The following PCCA variants were observed in gnomAD, a reference collection of about 807,000 sequenced individuals.
The protein encoded by PCCA is propionyl-CoA carboxylase alpha chain, mitochondrial.
In PCCA, 74 loss-of-function variants were observed where a neutral mutation model predicts 101.3. That is an observed-to-expected ratio of 0.73 (90% CI 0.61 to 0.89). The LOEUF (loss-of-function observed/expected upper bound fraction) is 0.89. Ranked by LOEUF, PCCA falls within the 40% of genes least tolerant of loss-of-function variation. PCCA has a pLI of 0.00. For missense variants in PCCA, 891 were observed against 907.0 expected (o/e 0.98, Z 0.23); for synonymous variants, 294 against 313.6 (o/e 0.94, Z 0.66).
At chr13:100,145,786 C>A (rs943845467) in intron 4 of PCCA, among the ~76,000 whole-genome samples, 5 of 150,664 alleles carry the variant, frequency 3.3e-5, no homozygotes, top group Admixed American at 2.6e-4. Context: ...CGCTTGAACC[C>A]AGGAGGTGGA....
chr13:100,237,943 T>C (rs117103979), intron 8 of PCCA, among the ~76,000 whole-genome samples: 88 of 106,726 alleles, frequency 8.2e-4, no homozygotes, highest in Non-Finnish European at 1.3e-3. Flanking sequence ...TTCTTTCTTT[T>C]TTTTTTTTTT....
rs71433448 is a variant in PCCA at position 100,264,184 on chromosome 13, A to G, written c.819+1353A>G. ...GGTATCTGTATATCGTATATATGTGATATCTGTATATCATATATGTGATAT... is the reference window on the plus strand; with the variant it reads ...GGTATCTGTATATCGTATATATGTGGTATCTGTATATCATATATGTGATAT... On this transcript the variant is annotated intron_variant, in intron 10 of 23. Transcript: ENST00000376285. Among the ~76,000 whole-genome samples the G allele has an allele frequency of 6.8e-3, 373 of 54,780 alleles. 84 individuals carry two copies. The highest frequency in any genetic ancestry group is 0.016 in the African/African-American group (265 of 16,982). The allele number at this position is 54,780 out of a possible 152,430, so 35.9% of individuals were successfully genotyped here.
intron 19 of PCCA, among the ~76,000 whole-genome samples, chr13:100,423,438 G>T (rs2078955479): frequency 6.6e-6 from 1 of 152,298 alleles, no homozygotes; most frequent in Middle Eastern, 3.4e-3. Context: ...TCTTATTCGG[G>T]ATTATGTATC....
At chr13:100,348,771 TCTTTCTTTCTTTCTTTCTTC>T (rs1385485995) in intron 18 of PCCA, among the ~76,000 whole-genome samples, 105 of 92,022 alleles carry the variant, frequency 1.1e-3, no homozygotes, top group Non-Finnish European at 1.7e-3. Flanking sequence ...TTTCTTTCTT[TCTTTCTTTCTTTCTTTCTTC>T]CTTCCTTCCT....
intron 10 of PCCA, among the ~76,000 whole-genome samples, chr13:100,263,774 A>G (rs1288564146): frequency 6.6e-6 from 1 of 151,940 alleles, no homozygotes; most frequent in African/African-American, 2.4e-5. Flanking sequence ...ATATCTGTAT[A>G]TCATATATAC....
At chr13:100,350,393 T>G (rs2073126278) in intron 18 of PCCA, among the ~76,000 whole-genome samples, 2 of 152,238 alleles carry the variant, frequency 1.3e-5, no homozygotes, top group Non-Finnish European at 2.9e-5. Flanking sequence ...GTATACACTC[T>G]TTGTGTTTGG....
chr13:100,449,210 T>G (rs1198835429), intron 20 of PCCA, 42 bp from the exon 21 acceptor site: 1 of 1,260,262 alleles, frequency 7.9e-7, no homozygotes, highest in East Asian at 2.6e-5. Flanking sequence ...ATACAAGCTG[T>G]GCAGATATGA....
At chr13:100,408,416 G>A (rs1235600110) in intron 19 of PCCA, among the ~76,000 whole-genome samples, 2 of 152,206 alleles carry the variant, frequency 1.3e-5, no homozygotes, top group Non-Finnish European at 2.9e-5. Flanking sequence ...CCTTAAGGCT[G>A]TTTTTGTTTC....
intron 12 of PCCA, among the ~76,000 whole-genome samples, chr13:100,293,513 C>A (rs2065291891): frequency 1.3e-5 from 2 of 152,006 alleles, no homozygotes; most frequent in Non-Finnish European, 2.9e-5. Flanking sequence ...TCTAGACCTG[C>A]CAGATGAAAA....
chr13:100,505,813 G>A (rs907585559), intron 21 of PCCA, among the ~76,000 whole-genome samples: 1 of 151,630 alleles, frequency 6.6e-6, no homozygotes, highest in African/African-American at 2.4e-5. Flanking sequence ...GCTGCAGTGA[G>A]CCATGCCTGG....
intron 4 of PCCA, among the ~76,000 whole-genome samples, chr13:100,148,107 T>G (rs981866324): frequency 1.3e-5 from 2 of 152,072 alleles, no homozygotes; most frequent in Non-Finnish European, 2.9e-5. Context: ...TATTTTTTAT[T>G]TTTTGAGACA....
Position 100,302,932 on chromosome 13 carries a change from C to A in PCCA, c.1218C>A (p.Tyr406Ter). 6.3e-7 allele frequency: 1 copy of A among 1,593,292 alleles called. No individual in the cohort carries two copies. Among genetic ancestry groups the A allele is most frequent in the Non-Finnish European group, 8.6e-7 (1 of 1,161,092 alleles). ...TTCCTTTGAACTTTCAGGACCCCTA[C>A]AAGTCTTTTGGTTTACCATCTATTG... ...VECRVYAEDP[Y>*]KSFGLPSIGR... is the part of the protein sequence containing the mutation. Residue 406 changes from tyrosine (Y) to a stop codon, truncating the protein, a stop_gained, in exon 14 of 24, where the codon TAC becomes TAA. Coordinates refer to ENST00000376285, the MANE Select transcript of PCCA (RefSeq NM_000282.4). LOFTEE classifies it high-confidence loss of function.
At chr13:100,387,084 G>T (rs2076551736) in intron 19 of PCCA, among the ~76,000 whole-genome samples, 1 of 152,148 alleles carries the variant, frequency 6.6e-6, no homozygotes, top group African/African-American at 2.4e-5. Flanking sequence ...TAAATGGAGA[G>T]TGCTGGTCCC....
At chr13:100,473,330 A>G (rs1452891787) in intron 21 of PCCA, 1 of 152,160 alleles carries the variant, frequency 6.6e-6, no homozygotes, top group African/African-American at 2.4e-5. Flanking sequence ...AACAATAGGC[A>G]CAGACCCAAA....
intron 19 of PCCA, among the ~76,000 whole-genome samples, chr13:100,385,296 T>C (rs1454730248): frequency 6.6e-6 from 1 of 152,220 alleles, no homozygotes; most frequent in African/African-American, 2.4e-5. Flanking sequence ...TGTAAAAATT[T>C]TCTGCAAAGA....
chr13:100,225,172 AGTATT>A (rs2152503758), intron 7 of PCCA, among the ~76,000 whole-genome samples: 1 of 152,352 alleles, frequency 6.6e-6, no homozygotes, highest in East Asian at 1.9e-4. Flanking sequence ...CCTAAAATAA[AGTATT>A]GTATGCAACA....
At chr13:100,519,395 T>C (rs1025493958) in intron 22 of PCCA, among the ~76,000 whole-genome samples, 3 of 152,268 alleles carry the variant, frequency 2.0e-5, no homozygotes, top group African/African-American at 7.2e-5. Context: ...CGTGATGGAA[T>C]TGACCTTCAG....
At chr13:100,221,016 C>T (rs2059783798) in intron 7 of PCCA, among the ~76,000 whole-genome samples, 1 of 152,134 alleles carries the variant, frequency 6.6e-6, no homozygotes, top group Admixed American at 6.5e-5. Flanking sequence ...TCAAGGTTCC[C>T]AGGTAAATTG....
chr13:100,334,097 A>G, intron 17 of PCCA, among the ~76,000 whole-genome samples: 1 of 152,264 alleles, frequency 6.6e-6, no homozygotes, highest in East Asian at 1.9e-4. Context: ...AAACAAAACA[A>G]AACAACAACA....
Sources: allele counts gnomAD v4.1 joint callset (sites outside exome capture counted in the v4.1 genomes callset), GRCh38; gene constraint gnomAD v4.1.1; transcripts MANE v1.5; gene names NCBI Gene and HGNC (gene_info 2026-07-23, HGNC 2026-07-21).